The following ACOX1 variants were observed in gnomAD, a reference collection of about 807,000 sequenced individuals.
ACOX1 encodes the protein acyl-CoA oxidase 1.
Under a neutral mutation model 75.5 loss-of-function variants are expected in ACOX1, and 41 were observed. The observed-to-expected ratio is 0.54, with a 90% CI of 0.42 to 0.70. The LOEUF is 0.70. Ranked by LOEUF, ACOX1 falls within the 30% of genes least tolerant of loss-of-function variation. The pLI is 0.00. For synonymous variants in ACOX1, 303 were observed against 298.8 expected (o/e 1.01, Z -0.15); for missense variants, 630 against 837.5 (o/e 0.75, Z 3.06).
At chr17:75,958,290 T>C (rs1269913323) in intron 3 of ACOX1, among the ~76,000 whole-genome samples, 1 of 145,962 alleles carries the variant, frequency 6.9e-6, no homozygotes, top group East Asian at 2.0e-4. Flanking sequence ...GAGGTGGAGG[T>C]TGCAGTGAGC....
intron 6 of ACOX1, among the ~76,000 whole-genome samples, chr17:75,954,534 A>AT (rs1555617027): frequency 7.0e-6 from 1 of 142,620 alleles, no homozygotes; most frequent in Non-Finnish European, 1.5e-5. Context: ...AAAAAAAAAA[A>AT]GGGGCATCAG....
chr17:75,967,524 C>A (rs1388143387), intron 2 of ACOX1, among the ~76,000 whole-genome samples: 1 of 148,258 alleles, frequency 6.7e-6, no homozygotes, highest in East Asian at 2.0e-4. Context: ...AAAATTTATA[C>A]CTATGCAGAG....
Position 75,946,779 on chromosome 17 carries a change from T to C in ACOX1, c.1952A>G (p.Lys651Arg), listed in dbSNP as rs1190664684. ...CTTGGACTGCAGTGACTTCAGGTGC[T>C]TGTAAGATTCGTGGACCTGTGGGGA... ...LNKAEVHESYKHLKSLQSKL is the reference protein window; with the variant it reads ...LNKAEVHESYRHLKSLQSKL Residue 651 changes from lysine (K) to arginine (R), a missense_variant, in exon 14 of 14, where the codon AAG (lysine) becomes AGG (arginine). Transcript: ENST00000293217. 6.2e-7 allele frequency: 1 copy of C among 1,613,906 alleles called. No homozygotes were observed. The highest frequency in any genetic ancestry group is 1.3e-5 in the African/African-American group (1 of 74,942).
rs763061458 is a variant in ACOX1 at position 75,950,930 on chromosome 17, G to A, written c.1142C>T (p.Thr381Ile). 2 of 1,614,152 alleles carry A rather than the reference G, an allele frequency of 1.2e-6. No individual in the cohort carries two copies. Among genetic ancestry groups the A allele is most frequent in the Non-Finnish European group, 1.7e-6 (2 of 1,180,030 alleles). ...HALTAGLKAF[T>I]SWTANTGIEA... The stretch of plus-strand genomic sequence containing the variant: ...AATGCCAGTGTTTGCAGTCCAGGAG[G>A]TGAAAGCCTTCAGTCCAGCGGTGAG... Residue 381 changes from threonine (T) to isoleucine (I), a missense_variant, in exon 9 of 14, where the codon ACC (threonine) becomes ATC (isoleucine). By Grantham distance (89) the Thr-to-Ile change is moderately conservative. Around this residue, in one of 2 missense-constraint regions of ACOX1, gnomAD observed 390 missense variants for 574.9 expected, o/e 0.68. Coordinates refer to ENST00000293217, the MANE Select transcript of ACOX1 (RefSeq NM_004035.7). The surrounding 1 kb of genome is among the most constrained non-coding windows in gnomAD (Gnocchi z 4.3).
intron 3 of ACOX1, among the ~76,000 whole-genome samples, chr17:75,958,377 A>G (rs1259782113): frequency 6.8e-6 from 1 of 147,950 alleles, no homozygotes; most frequent in Non-Finnish European, 1.5e-5. Context: ...AAGAAAAAGA[A>G]AAAGAAAAAG....
chr17:75,963,873 C>T (rs2065907415), intron 2 of ACOX1, among the ~76,000 whole-genome samples: 1 of 148,238 alleles, frequency 6.7e-6, no homozygotes, highest in Non-Finnish European at 1.5e-5. Context: ...TATGACTCTA[C>T]AATCATTTCA....
At position 75,960,749 on chromosome 17, in the gene ACOX1, G is replaced by A. The variant is rs974294554; in HGVS notation, c.270-374C>T. Among the ~76,000 whole-genome samples the A allele has an allele frequency of 2.6e-5, 4 of 152,120 alleles. No individual in the cohort carries two copies. The highest frequency in any genetic ancestry group is 2.1e-4 in the South Asian group (1 of 4,830). Reference sequence around the variant, plus strand: ...TCTCAGCACTTTGGGAGGCCAAGGCGGTCAGATCACCTTAAGTCAGGAGTT... The same window carrying A: ...TCTCAGCACTTTGGGAGGCCAAGGCAGTCAGATCACCTTAAGTCAGGAGTT... On this transcript the variant is annotated intron_variant, in intron 2 of 13. Transcript: ENST00000293217. The surrounding 1 kb of genome is among the most constrained non-coding windows in gnomAD (Gnocchi z 4.4).
rs1323785769 is a variant in ACOX1, at chr17:75,945,235, T to C, written c.*1513A>G. The stretch of plus-strand genomic sequence containing the variant: ...TATTTCAACACTAATTTTGAAACAA[T>C]TCTACATCTAGCAGGTCAGTTTATC... On this transcript the variant is annotated 3_prime_UTR_variant, in exon 14 of 14. Coordinates refer to ENST00000293217, the MANE Select transcript of ACOX1 (RefSeq NM_004035.7). 6.6e-6 allele frequency: 1 copy of C among 152,172 alleles called. No homozygotes were observed. The highest frequency in any genetic ancestry group is 1.5e-5 in the Non-Finnish European group (1 of 68,038). The allele number at this position is 152,172 out of a possible 1,614,324, so 9.4% of individuals were successfully genotyped here. A position where few individuals can be genotyped will look rare whatever the true frequency, so the allele number is the denominator to read the frequency against.
At chr17:75,963,553 G>A (rs956004164) in intron 2 of ACOX1, among the ~76,000 whole-genome samples, 1 of 151,930 alleles carries the variant, frequency 6.6e-6, no homozygotes, top group African/African-American at 2.4e-5. Flanking sequence ...ACAAAAATTA[G>A]CCAGGTGTGG....
In ACOX1 at chr17:75,944,041, G is replaced by A. The variant is rs764904277; in HGVS notation, c.*2707C>T. 1.3e-5 allele frequency: 2 copies of A among 152,072 alleles called. No individual in the cohort carries two copies. Among genetic ancestry groups the A allele is most frequent in the Non-Finnish European group, 2.9e-5 (2 of 68,038 alleles). 9.4% of individuals were successfully genotyped at this position (152,072 alleles called of 1,614,324 possible). On this transcript the variant is annotated 3_prime_UTR_variant, in exon 14 of 14. Coordinates refer to ENST00000293217, the MANE Select transcript of ACOX1 (RefSeq NM_004035.7). ...AGCCCAGGAGTCTGAGACCAGCCTG[G>A]GCAACATGGCAAAACCCCGTCTCTA...
Position 75,946,577 on chromosome 17 carries a change from T to C in ACOX1, c.*171A>G. ...TTCAGTGTTAATTGCACTTAAAACA[T>C]CTGCTTTTTTTCATTTAATCTCTGA... On this transcript the variant is annotated 3_prime_UTR_variant, in exon 14 of 14. Transcript: ENST00000293217. 1 of 654,878 alleles carries C rather than the reference T, an allele frequency of 1.5e-6. No individual in the cohort carries two copies. Among genetic ancestry groups the C allele is most frequent in the Admixed American group, 2.4e-5 (1 of 41,798 alleles). 40.6% of individuals were successfully genotyped at this position (654,878 alleles called of 1,614,324 possible).
chr17:75,974,292 T>C (rs2066024127), intron 2 of ACOX1, among the ~76,000 whole-genome samples: 1 of 152,118 alleles, frequency 6.6e-6, no homozygotes, highest in African/African-American at 2.4e-5. Context: ...TATAAGCAAA[T>C]ATCCAAAAGA....
intron 3 of ACOX1, 52 bp from the exon 4 acceptor site, chr17:75,957,618 G>C: frequency 6.9e-7 from 1 of 1,455,876 alleles, no homozygotes; most frequent in Non-Finnish European, 9.6e-7. Context: ...AAAAAAATAG[G>C]CACAAGGAAA....
chr17:75,953,429 C>T lies in ACOX1; in HGVS notation c.944+22G>A, dbSNP rs16968347. On this transcript the variant is annotated intron_variant, in intron 7 of 13. Transcript: ENST00000293217. Reference sequence around the variant, plus strand: ...AAAAACTAGGCCTTTGGTACTGAGCCCATCTAGGACCCTATCCTTACCCTG... The same window carrying T: ...AAAAACTAGGCCTTTGGTACTGAGCTCATCTAGGACCCTATCCTTACCCTG... 0.014 allele frequency: 22,955 copies of T among 1,612,428 alleles called. 1,844 individuals are homozygous for T. The African/African-American group carries it at 0.21, about 15-fold the overall frequency.
chr17:75,978,820 G>T lies in ACOX1; in HGVS notation c.110-127C>A. 6.2e-7 allele frequency: 1 copy of T among 1,600,648 alleles called. No individual in the cohort carries two copies. Among genetic ancestry groups the T allele is most frequent in the South Asian group, 1.1e-5 (1 of 90,486 alleles). ...GGAATGGCGATATCCCCCCACCAGG[G>T]ACACAGGCTGTTCCTCGAAGTGGGG... is the stretch of plus-strand genomic sequence containing the variant. On this transcript the variant is annotated intron_variant, in intron 1 of 13. Transcript: ENST00000293217. The surrounding 1 kb of genome is among the most constrained non-coding windows in gnomAD (Gnocchi z 4.2).
Position 75,978,564 on chromosome 17 carries a change from G to A in ACOX1, c.239C>T (p.Ala80Val). The A allele has an allele frequency of 2.5e-6, 4 of 1,614,194 alleles. No individual in the cohort carries two copies. Among genetic ancestry groups the A allele is most frequent in the Non-Finnish European group, 2.5e-6 (3 of 1,180,040 alleles). Residue 80 changes from alanine to valine, a missense_variant, in exon 2 of 14, where the codon GCT becomes GTT. Transcript: ENST00000293217. This position sits in a 1 kb window ranked among gnomAD's most constrained non-coding sequence, Gnocchi z 4.2. ...AAACCACATAATTTCATCAGGGTCA[G>A]CGATGCCAAACTCCCTCATCTTCTT... ...MVKKMREFGI[A>V]DPDEIMWFKN...
intron 2 of ACOX1, among the ~76,000 whole-genome samples, chr17:75,962,371 G>C (rs2065895557): frequency 6.6e-6 from 1 of 152,122 alleles, no homozygotes; most frequent in South Asian, 2.1e-4. Context: ...CAGGGGACAG[G>C]ATTCTGTGTG....
rs578045586 is a variant in ACOX1, at chr17:75,971,077, A to T, written c.269+7457T>A. ...GAGGCCGAGGCGGGCAGATCACCTA[A>T]GGTCGGGAGTTCGAGACCAGCCTGA... On this transcript the variant is annotated intron_variant, in intron 2 of 13. Coordinates refer to ENST00000293217, the MANE Select transcript of ACOX1 (RefSeq NM_004035.7). Among the ~76,000 whole-genome samples, 382 of 152,280 alleles carry T rather than the reference A, an allele frequency of 2.5e-3. 5 individuals carry two copies. Among genetic ancestry groups the T allele is most frequent in the Non-Finnish European group, 7.1e-4 (48 of 68,008 alleles).
Position 75,953,460 on chromosome 17 carries a change from A to C in ACOX1, c.935T>G (p.Ile312Ser). The C allele has an allele frequency of 6.2e-7, 1 of 1,613,842 alleles. No homozygotes were observed. The highest frequency in any genetic ancestry group is 8.5e-7 in the Non-Finnish European group (1 of 1,179,846). Reference sequence around the variant, plus strand: ...AGGACCCTATCCTTACCCTGGCTTGATTTCAGACTGGTGCCTCACAGCGCT... The same window carrying C: ...AGGACCCTATCCTTACCCTGGCTTGCTTTCAGACTGGTGCCTCACAGCGCT... Reference protein sequence around the residue: ...RYSAVRHQSEIKPGEPEPQIL... With the variant: ...RYSAVRHQSESKPGEPEPQIL... The change falls in exon 7 of 14, where the codon ATC becomes AGC. Residue 312 changes from isoleucine (I) to serine (S), a missense_variant. Physicochemically the swap from Ile to Ser is moderately radical, Grantham distance 142. Transcript: ENST00000293217.
Sources: allele counts gnomAD v4.1 joint callset (sites outside exome capture counted in the v4.1 genomes callset), GRCh38; gene constraint gnomAD v4.1.1; regional missense constraint gnomAD v4.1.1; non-coding constraint Gnocchi (gnomAD v3.1); transcripts MANE v1.5; gene names NCBI Gene and HGNC (gene_info 2026-07-23, HGNC 2026-07-21).